TMC2: variants seen among roughly 807,000 people sequenced by gnomAD.
TMC2 encodes transmembrane channel-like protein 2.
In TMC2, 102 loss-of-function variants were observed where a neutral mutation model predicts 105.9. That is an observed-to-expected ratio of 0.96 (90% confidence interval 0.82 to 1.14). The LOEUF (loss-of-function observed/expected upper bound fraction) is 1.14, where lower values mean the gene tolerates loss of function less well. Among genes scored for constraint, TMC2 ranks in the 50% most tolerant of loss-of-function variants. The pLI, the probability that TMC2 is intolerant of heterozygous loss-of-function variation, is 0.00. For synonymous variants in TMC2, 402 were observed against 422.8 expected, an observed-to-expected ratio of 0.95 and a Z score of 0.60; for missense variants, 1,093 against 1,134.3, an observed-to-expected ratio of 0.96 and a Z score of 0.52.
At position 2,616,208 on chromosome 20, in the gene TMC2, AG is replaced by A. The variant is rs2086480518; in HGVS notation, c.1940+5del. On this transcript the variant is annotated splice_donor_5th_base_variant and intron_variant, in intron 15 of 19. Coordinates refer to ENST00000358864, the MANE Select transcript of TMC2 (RefSeq NM_080751.3). The surrounding 1 kb of genome is among the most constrained non-coding windows in gnomAD (Gnocchi z 4.8). ...TCTTCAACCAAGGAATGATCTGGTG[AG>A]TTATCCATTTCATCTGGTGATCGCC... is the stretch of plus-strand genomic sequence containing the variant. 1.9e-6 allele frequency: 3 copies of A among 1,611,364 alleles called. No individual in the cohort carries two copies. The highest frequency in any genetic ancestry group is 2.5e-6 in the Non-Finnish European group (3 of 1,177,700).
At chr20:2,564,272 T>G (rs1312393117) in intron 4 of TMC2, among the ~76,000 whole-genome samples, 1 of 150,934 alleles carries the variant, frequency 6.6e-6, no homozygotes, top group Non-Finnish European at 1.5e-5. Flanking sequence ...TGCCTCAGCC[T>G]GCCGAGTAGC....
At chr20:2,608,300 T>TTTTTTATTATTA (rs1555775762) in intron 11 of TMC2, among the ~76,000 whole-genome samples, 8 of 134,598 alleles carry the variant, frequency 5.9e-5, no homozygotes, top group South Asian at 2.5e-4. Flanking sequence ...CTTATTTTTA[T>TTTTTTATTATTA]TTATTATTAT....
rs1329804673 is a variant in TMC2 at position 2,558,446 on chromosome 20, G to A, written c.83-10G>A. 28 of 1,552,844 alleles carry A rather than the reference G, an allele frequency of 1.8e-5. No individual in the cohort carries two copies. In the East Asian group the frequency reaches 6.3e-4, roughly 35 times the overall value. On this transcript the variant is annotated splice_polypyrimidine_tract_variant and intron_variant, in intron 2 of 19. Transcript: ENST00000358864. The surrounding 1 kb of genome is among the most constrained non-coding windows in gnomAD (Gnocchi z 4.6). ...TGGAACCAGAACTGTCCATTTTCCC[G>A]CCCCGGCAGGTGACAGGCTGGGAAG...
At chr20:2,562,229 C>T (rs1457503414) in intron 4 of TMC2, among the ~76,000 whole-genome samples, 2 of 152,242 alleles carry the variant, frequency 1.3e-5, no homozygotes, top group South Asian at 2.1e-4. Context: ...GGAGGACTCC[C>T]GACCTGTGCC....
chr20:2,638,887 T>C (rs1237573436), intron 19 of TMC2, among the ~76,000 whole-genome samples: 1 of 152,130 alleles, frequency 6.6e-6, no homozygotes, highest in African/African-American at 2.4e-5. Context: ...GGTTTATTAT[T>C]GAAGAAAGAA....
At chr20:2,599,537 A>AAATTTT (rs1403596323) in intron 10 of TMC2, among the ~76,000 whole-genome samples, 85 of 109,738 alleles carry the variant, frequency 7.7e-4, no homozygotes, top group Middle Eastern at 4.9e-3. Context: ...TTCTTTAATT[A>AAATTTT]CATTTTTTTT....
chr20:2,640,796 C>T (rs2422811), intron 19 of TMC2, among the ~76,000 whole-genome samples: 92,449 of 151,936 alleles, frequency 0.61, 28,485 homozygotes, highest in East Asian at 0.86. Context: ...CACAGCCCCT[C>T]CCCTTCCGTC....
intron 4 of TMC2, among the ~76,000 whole-genome samples, chr20:2,571,722 C>T (rs746420888): frequency 6.6e-5 from 10 of 152,194 alleles, no homozygotes; most frequent in Admixed American, 2.0e-4. Context: ...TAATCTTGGC[C>T]GGGCATGGTG....
At chr20:2,621,140 A>T (rs2146253540) in intron 16 of TMC2, among the ~76,000 whole-genome samples, 1 of 152,258 alleles carries the variant, frequency 6.6e-6, no homozygotes, top group Middle Eastern at 3.4e-3. Flanking sequence ...AGGCGGGCAG[A>T]TCACGAGATC....
At chr20:2,634,422 T>A (rs1366450274) in intron 17 of TMC2, among the ~76,000 whole-genome samples, 1 of 152,262 alleles carries the variant, frequency 6.6e-6, no homozygotes, top group Non-Finnish European at 1.5e-5. Context: ...GTGCCCTGAA[T>A]ACTGTCATTG....
At chr20:2,638,312 G>A (rs1723790248) in intron 19 of TMC2, among the ~76,000 whole-genome samples, 1 of 63,490 alleles carries the variant, frequency 1.6e-5, no homozygotes. Flanking sequence ...AGCTGAGATT[G>A]TGCCACTGCA....
In TMC2 at chr20:2,558,413, G is replaced by C; in HGVS notation, c.83-43G>C. The C allele has an allele frequency of 6.5e-7, 1 of 1,548,906 alleles. No individual in the cohort carries two copies. Among genetic ancestry groups the C allele is most frequent in the East Asian group, 2.4e-5 (1 of 40,900 alleles). ...CGGCCGGGGACATTTTCCTGGGCCT[G>C]AGGCCGTTGGAACCAGAACTGTCCA... On this transcript the variant is annotated intron_variant, in intron 2 of 19. Transcript: ENST00000358864. The surrounding 1 kb of genome is among the most constrained non-coding windows in gnomAD (Gnocchi z 4.6).
Position 2,595,162 on chromosome 20 carries a change from A to G in TMC2, c.1076+195A>G, listed in dbSNP as rs140557747. ...CATGTGGGATGTGCTGGGAAATAGG[A>G]TTGAAACCCCTTTGGATGAGGCTGA... On this transcript the variant is annotated intron_variant, in intron 9 of 19. Coordinates refer to ENST00000358864, the MANE Select transcript of TMC2 (RefSeq NM_080751.3). Among the ~76,000 whole-genome samples the G allele has an allele frequency of 3.0e-3, 453 of 152,314 alleles. 3 individuals are homozygous for G. Among genetic ancestry groups the G allele is most frequent in the African/African-American group, 9.6e-3 (400 of 41,574 alleles).
In TMC2 at chr20:2,550,150, A is replaced by C. The variant is rs1214512388; in HGVS notation, c.83-8306A>C. Reference sequence around the variant, plus strand: ...GTGAGCCGAGATCACACCAGACTGCACTCCAGCCTGGGCAACAGAGCCAGA... The same window carrying C: ...GTGAGCCGAGATCACACCAGACTGCCCTCCAGCCTGGGCAACAGAGCCAGA... On this transcript the variant is annotated intron_variant, in intron 2 of 19. Coordinates refer to ENST00000358864, the MANE Select transcript of TMC2 (RefSeq NM_080751.3). 2.0e-5 allele frequency among the ~76,000 whole-genome samples: 3 copies of C among 151,242 alleles called. No homozygotes were observed. In the East Asian group the frequency reaches 5.9e-4, roughly 29 times the overall value.
In TMC2 at chr20:2,612,868, G is replaced by A. The variant is rs552717835; in HGVS notation, c.1744-326G>A. Among the ~76,000 whole-genome samples the A allele has an allele frequency of 2.6e-5, 4 of 152,186 alleles. No individual in the cohort carries two copies. In the South Asian group the frequency reaches 8.3e-4, roughly 32 times the overall value. On this transcript the variant is annotated intron_variant, in intron 13 of 19. Transcript: ENST00000358864. Reference sequence around the variant, plus strand: ...TAGTGATGATGACTACGATGCATTGGGCATAGTCAATTTAACAGGCAATTT... The same window carrying A: ...TAGTGATGATGACTACGATGCATTGAGCATAGTCAATTTAACAGGCAATTT...
chr20:2,579,366 G>A (rs922272264), intron 6 of TMC2, 139 bp downstream of exon 6: 1 of 357,118 alleles, frequency 2.8e-6, no homozygotes, highest in African/African-American at 2.1e-5. Flanking sequence ...TTTTGAACTT[G>A]TCAGGCCAAG....
chr20:2,616,079 T>A lies in TMC2; in HGVS notation c.1873-58T>A. ...TGGTTGGTAGTAGGGTTTGGCTGAA[T>A]TCACCAAACGTGCTTTTTTTTTTCT... On this transcript the variant is annotated intron_variant, in intron 14 of 19. Coordinates refer to ENST00000358864, the MANE Select transcript of TMC2 (RefSeq NM_080751.3). This position sits in a 1 kb window ranked among gnomAD's most constrained non-coding sequence, Gnocchi z 4.8. 5.4e-6 allele frequency: 8 copies of A among 1,479,062 alleles called. No homozygotes were observed. The highest frequency in any genetic ancestry group is 7.5e-6 in the Non-Finnish European group (8 of 1,067,370). 91.6% of individuals were successfully genotyped at this position (1,479,062 alleles called of 1,614,324 possible). A position where few individuals can be genotyped will look rare whatever the true frequency, so the allele number is the denominator to read the frequency against.
In TMC2 at chr20:2,537,260, C is replaced by T. The variant is rs370239264; in HGVS notation, c.35-9C>T. On this transcript the variant is annotated splice_polypyrimidine_tract_variant and intron_variant, in intron 1 of 19. Coordinates refer to ENST00000358864, the MANE Select transcript of TMC2 (RefSeq NM_080751.3). Reference sequence around the variant, plus strand: ...GCCAGCCATTTGTCAGCAATCCTGTCTCTTACAGCACGAGGCGGAGTGAAA... The same window carrying T: ...GCCAGCCATTTGTCAGCAATCCTGTTTCTTACAGCACGAGGCGGAGTGAAA... 6.3e-7 allele frequency: 1 copy of T among 1,599,574 alleles called. No individual in the cohort carries two copies. The highest frequency in any genetic ancestry group is 8.5e-7 in the Non-Finnish European group (1 of 1,173,066).
intron 2 of TMC2, among the ~76,000 whole-genome samples, chr20:2,554,284 C>A (rs1019655927): frequency 2.0e-5 from 3 of 152,138 alleles, no homozygotes; most frequent in Non-Finnish European, 2.9e-5. Flanking sequence ...GGCAACGGAG[C>A]AACACCCTGT....
Sources: allele counts gnomAD v4.1 joint callset (sites outside exome capture counted in the v4.1 genomes callset), GRCh38; gene constraint gnomAD v4.1.1; non-coding constraint Gnocchi (gnomAD v3.1); transcripts MANE v1.5; gene names NCBI Gene and HGNC (gene_info 2026-07-23, HGNC 2026-07-21).